Variants in ATP5MF observed in about 807,000 individuals in gnomAD.
ATP5MF encodes the protein ATP synthase membrane subunit f.
In ATP5MF, 10 loss-of-function variants were observed where a neutral mutation model predicts 13.8. That is an observed-to-expected ratio of 0.72 (90% CI 0.45 to 1.23). The LOEUF is 1.23. Ranked by LOEUF, ATP5MF falls within the 50% of genes most tolerant of loss-of-function variation. The pLI, the probability that ATP5MF is intolerant of heterozygous loss-of-function variation, is 0.00. For synonymous variants in ATP5MF, 40 were observed against 45.8 expected (o/e 0.87, Z 0.51); for missense variants, 122 against 118.2 (o/e 1.03, Z -0.15).
Position 99,458,320 on chromosome 7 carries a change from G to A in ATP5MF, c.*7C>T, listed in dbSNP as rs1186096004. 2 of 1,609,852 alleles carry A rather than the reference G, an allele frequency of 1.2e-6. No homozygotes were observed. The highest frequency in any genetic ancestry group is 2.2e-5 in the East Asian group (1 of 44,738). On this transcript the variant is annotated 3_prime_UTR_variant, in exon 4 of 4. Transcript: ENST00000292475. ...CGTGGGGTGGGGGGGTGCAGAGTGTGTCCTCTTCAGTGGTATTTGCGGAGC... is the reference window on the plus strand; with the variant it reads ...CGTGGGGTGGGGGGGTGCAGAGTGTATCCTCTTCAGTGGTATTTGCGGAGC...
chr7:99,458,402 G>A (rs908350040), intron 3 of ATP5MF, 47 bp from the exon 4 acceptor site: 31 of 1,579,016 alleles, frequency 2.0e-5, no homozygotes, highest in Non-Finnish European at 2.7e-5. Context: ...AGGTTACAGT[G>A]AAGGCACAGC....
chr7:99,459,342 A>G (rs1331010795), intron 2 of ATP5MF, 79 bp from the exon 3 acceptor site: 2 of 1,034,742 alleles, frequency 1.9e-6, no homozygotes, highest in Admixed American at 1.7e-5. Flanking sequence ...AGTCTGGCTG[A>G]CATTCAGGGA....
chr7:99,463,048 C>T (rs1246585316), intron 1 of ATP5MF, among the ~76,000 whole-genome samples: 2 of 152,242 alleles, frequency 1.3e-5, no homozygotes, highest in Non-Finnish European at 2.9e-5. Context: ...TTTGTGAAAT[C>T]CTTGGTACTT....
chr7:99,465,931 CCCTGGGCAGCAGGAAGGCGCG>C (rs1798852658), intron 1 of ATP5MF, among the ~76,000 whole-genome samples, 159 bp downstream of exon 1: 1 of 152,234 alleles, frequency 6.6e-6, no homozygotes, highest in Non-Finnish European at 1.5e-5. Context: ...TTGGCGCAGG[CCCTGGGCAGCAGGAAGGCGCG>C]CCTGGGCAGG....
At chr7:99,460,596 A>G in intron 1 of ATP5MF, 1 of 486,586 alleles carries the variant, frequency 2.1e-6, no homozygotes, top group East Asian at 5.8e-5. Context: ...GAGGGGGGAT[A>G]GACTCAGAGA....
chr7:99,459,519 G>A, intron 2 of ATP5MF: 2 of 442,800 alleles, frequency 4.5e-6, no homozygotes, highest in South Asian at 4.5e-5. Flanking sequence ...CTTTGGCTGT[G>A]AGCTTATAGC....
In ATP5MF at chr7:99,461,757, T is replaced by C. The variant is rs189301944; in HGVS notation, c.32-1564A>G. 2.6e-3 allele frequency among the ~76,000 whole-genome samples: 396 copies of C among 151,476 alleles called. 1 individual carries two copies. Among genetic ancestry groups the C allele is most frequent in the Admixed American group, 7.9e-3 (121 of 15,242 alleles). On this transcript the variant is annotated intron_variant, in intron 1 of 3. Transcript: ENST00000292475. The stretch of plus-strand genomic sequence containing the variant: ...CACTGCAACCTCCACCTCCTGGTTC[T>C]AGCGATTCTCCTGCCTCAGCCTCCT...
intron 1 of ATP5MF, among the ~76,000 whole-genome samples, chr7:99,464,169 C>T (rs989380289): frequency 1.3e-5 from 2 of 152,214 alleles, no homozygotes; most frequent in African/African-American, 4.8e-5. Flanking sequence ...CATGCTAAAT[C>T]GATTGATCCT....
chr7:99,459,141 ACT>A lies in ATP5MF; in HGVS notation c.256+4_256+5del. On this transcript the variant is annotated splice_donor_5th_base_variant and intron_variant, in intron 3 of 3. Coordinates refer to ENST00000292475, the MANE Select transcript of ATP5MF (RefSeq NM_004889.5). ...ACTAAAGGCAAGACGCCGCAGAGGC[ACT>A]CACTGAGATGCTTGTAGGAAAAGGA... The A allele has an allele frequency of 6.2e-7, 1 of 1,608,866 alleles. No individual in the cohort carries two copies. The highest frequency in any genetic ancestry group is 8.5e-7 in the Non-Finnish European group (1 of 1,175,960).
chr7:99,460,497 A>C (rs1437031096), intron 1 of ATP5MF: 3 of 613,794 alleles, frequency 4.9e-6, no homozygotes, highest in Non-Finnish European at 9.3e-6. Context: ...GCGGACAGGA[A>C]AGATTACTGC....
At chr7:99,465,422 TCTCTGACAAGGCTA>T (rs1207199210) in intron 1 of ATP5MF, among the ~76,000 whole-genome samples, 1 of 152,156 alleles carries the variant, frequency 6.6e-6, no homozygotes, top group African/African-American at 2.4e-5. Flanking sequence ...CAACAAGGAC[TCTCTGACAAGGCTA>T]CTATGGAGCA....
intron 2 of ATP5MF, 125 bp downstream of exon 2, chr7:99,459,961 A>T: frequency 9.1e-7 from 1 of 1,103,622 alleles, no homozygotes; most frequent in East Asian, 2.4e-5. Flanking sequence ...CCTCCCTGTC[A>T]TCCTCTACAT....
intron 2 of ATP5MF, chr7:99,459,589 G>T: frequency 3.4e-6 from 1 of 296,734 alleles, no homozygotes; most frequent in African/African-American, 2.2e-5. Context: ...TTTCTTGTGT[G>T]GTTTTTTTTA....
At chr7:99,458,381 A>G in intron 3 of ATP5MF, 26 bp from the exon 4 acceptor site, 1 of 1,599,890 alleles carries the variant, frequency 6.3e-7, no homozygotes, top group Non-Finnish European at 8.5e-7. Flanking sequence ...CAAGATGGTA[A>G]GTATCTTAAA....
intron 1 of ATP5MF, 90 bp downstream of exon 1, chr7:99,466,021 A>C (rs1321683800): frequency 7.5e-5 from 120 of 1,601,100 alleles, no homozygotes; most frequent in Non-Finnish European, 9.9e-5. Flanking sequence ...AGCAAAGGGC[A>C]GGCAGCTCCG....
chr7:99,459,576 A>C, intron 2 of ATP5MF: 1 of 302,776 alleles, frequency 3.3e-6, no homozygotes, highest in Non-Finnish European at 6.3e-6. Context: ...CAGCCAGCTA[A>C]TTTTTCTTGT....
intron 1 of ATP5MF, among the ~76,000 whole-genome samples, chr7:99,460,944 T>G (rs889367326): frequency 6.6e-6 from 1 of 151,978 alleles, no homozygotes; most frequent in Non-Finnish European, 1.5e-5. Context: ...TTTCCAGAGA[T>G]AAAAATAAGA....
At chr7:99,460,989 C>A (rs1057033839) in intron 1 of ATP5MF, among the ~76,000 whole-genome samples, 2 of 152,108 alleles carry the variant, frequency 1.3e-5, no homozygotes, top group African/African-American at 4.8e-5. Flanking sequence ...TGACGAAAAA[C>A]CACTCCAAAT....
At chr7:99,459,328 G>A in intron 2 of ATP5MF, 65 bp from the exon 3 acceptor site, 1 of 1,229,840 alleles carries the variant, frequency 8.1e-7, no homozygotes, top group Non-Finnish European at 1.2e-6. Context: ...TGAGCACACA[G>A]TTGAGTCTGG....
Sources: allele counts gnomAD v4.1 joint callset (sites outside exome capture counted in the v4.1 genomes callset), GRCh38; gene constraint gnomAD v4.1.1; transcripts MANE v1.5; gene names NCBI Gene and HGNC (gene_info 2026-07-23, HGNC 2026-07-21).